PSME4: variants seen among roughly 807,000 people sequenced by gnomAD.
PSME4 encodes proteasome activator subunit 4.
A neutral mutation model predicts 253.9 loss-of-function variants in PSME4; 89 were observed. The ratio of observed to expected loss-of-function variants is 0.35; its 90% CI spans 0.30 to 0.42. PSME4 has a LOEUF of 0.42. Ranked by LOEUF, PSME4 falls within the 10% of genes least tolerant of loss-of-function variation. The probability of loss-of-function intolerance (pLI) is 1.00; values close to 1 mark genes in which losing one functional copy is unlikely to be tolerated. For synonymous variants in PSME4, 851 were observed against 759.2 expected, an observed-to-expected ratio of 1.12 and a Z score of -1.99; for missense variants, 2,014 against 2,195.2, an observed-to-expected ratio of 0.92 and a Z score of 1.65.
At chr2:53,898,237 G>A (rs1396517439) in intron 30 of PSME4, 64 bp downstream of exon 30, 51 of 1,432,484 alleles carry the variant, frequency 3.6e-5, no homozygotes, top group Non-Finnish European at 7.7e-6. Flanking sequence ...AGCCTTCCAT[G>A]TAGAAAACTC....
At chr2:53,884,440 A>C (rs902762341) in intron 41 of PSME4, among the ~76,000 whole-genome samples, 9 of 152,018 alleles carry the variant, frequency 5.9e-5, no homozygotes, top group Non-Finnish European at 1.3e-4. Flanking sequence ...CGATCTCTTG[A>C]CCTTGTGATC....
intron 20 of PSME4, among the ~76,000 whole-genome samples, chr2:53,911,535 G>C (rs1037285020): frequency 4.6e-5 from 7 of 152,074 alleles, no homozygotes; most frequent in Non-Finnish European, 8.8e-5. Flanking sequence ...TCACCAAAGA[G>C]AAAAGGCCTG....
rs1056577962 is a variant in PSME4, at chr2:53,897,167, G to GTTT, written c.3607-285_3607-283dup. 2.7e-3 allele frequency among the ~76,000 whole-genome samples: 332 copies of GTTT among 122,154 alleles called. 6 individuals carry two copies. Among genetic ancestry groups the GTTT allele is most frequent in the Admixed American group, 0.013 (144 of 11,434 alleles). The allele number at this position is 122,154 out of a possible 152,430, so 80.1% of individuals were successfully genotyped here. A position where few individuals can be genotyped will look rare whatever the true frequency, so the allele number is the denominator to read the frequency against. ...TCATTCTTCAAATCTTAGCCTCAGG[G>GTTT]TTTTTTTTTTTTTTTTTTTTGACAG... On this transcript the variant is annotated intron_variant, in intron 31 of 46. Coordinates refer to ENST00000404125, the MANE Select transcript of PSME4 (RefSeq NM_014614.3).
At chr2:53,925,053 T>A (rs894209620) in intron 14 of PSME4, among the ~76,000 whole-genome samples, 1 of 152,222 alleles carries the variant, frequency 6.6e-6, no homozygotes, top group Non-Finnish European at 1.5e-5. Flanking sequence ...CAGTGTTTTT[T>A]CCATTAGGCA....
At chr2:53,867,502 G>GAAAA (rs35076319) in intron 44 of PSME4, among the ~76,000 whole-genome samples, 11 of 100,084 alleles carry the variant, frequency 1.1e-4, no homozygotes, top group Admixed American at 3.3e-4. Context: ...CCGTCTCAAG[G>GAAAA]AAAAAAAAAA....
At chr2:53,869,283 C>T (rs1678752186) in intron 44 of PSME4, 93 bp downstream of exon 44, 2 of 1,265,200 alleles carry the variant, frequency 1.6e-6, no homozygotes, top group Non-Finnish European at 2.2e-6. Context: ...GACCTGGGCA[C>T]ATACATACAA....
intron 8 of PSME4, 30 bp from the exon 9 acceptor site, chr2:53,932,790 T>C: frequency 1.3e-6 from 2 of 1,537,184 alleles, no homozygotes; most frequent in Non-Finnish European, 1.8e-6. Context: ...AAAATGTCAG[T>C]ACCCACATCA....
intron 7 of PSME4, among the ~76,000 whole-genome samples, chr2:53,935,358 C>T (rs1025615404): frequency 3.9e-5 from 6 of 152,128 alleles, no homozygotes; most frequent in African/African-American, 1.4e-4. Flanking sequence ...GAAGACACCA[C>T]AAGCAAAAGC....
At chr2:53,887,835 A>AC (rs765152479) in intron 39 of PSME4, 23 bp downstream of exon 39, 14 of 1,559,630 alleles carry the variant, frequency 9.0e-6, no homozygotes, top group Non-Finnish European at 1.2e-5. Context: ...CGAGAGGTAC[A>AC]CCACAGAGAA....
chr2:53,926,517 T>C (rs1014114356), intron 12 of PSME4, among the ~76,000 whole-genome samples: 1 of 151,912 alleles, frequency 6.6e-6, no homozygotes. Flanking sequence ...CTACTAAAAA[T>C]ACACATATAC....
rs917044567 is a variant in PSME4, at chr2:53,894,935, T to C, written c.3912+72A>G. 7 of 1,296,316 alleles carry C rather than the reference T, an allele frequency of 5.4e-6. No homozygotes were observed. In the African/African-American group the frequency reaches 6.0e-5, roughly 11 times the overall value. 80.3% of individuals were successfully genotyped at this position (1,296,316 alleles called of 1,614,324 possible). ...TAAGAAAAAAAAGAAGAAGAAGAAC[T>C]GAAGTGAGGTTGAGATAAATCAGTG... On this transcript the variant is annotated intron_variant, in intron 34 of 46. Coordinates refer to ENST00000404125, the MANE Select transcript of PSME4 (RefSeq NM_014614.3).
intron 42 of PSME4, among the ~76,000 whole-genome samples, 184 bp from the exon 43 acceptor site, chr2:53,874,678 C>T (rs111476086): frequency 2.4e-4 from 37 of 152,284 alleles, no homozygotes; most frequent in Admixed American, 9.8e-4. Flanking sequence ...CAGTGGCTCA[C>T]GCCTGTAATC....
intron 8 of PSME4, 67 bp from the exon 9 acceptor site, chr2:53,932,827 C>T: frequency 8.2e-7 from 1 of 1,223,616 alleles, no homozygotes; most frequent in South Asian, 1.2e-5. Context: ...GTCAACAGGC[C>T]CAAGCCTATA....
chr2:53,888,044 T>G (rs2104423826), intron 38 of PSME4, 55 bp from the exon 39 acceptor site: 1 of 1,540,132 alleles, frequency 6.5e-7, no homozygotes, highest in East Asian at 2.3e-5. Context: ...CTTTACATAT[T>G]GACAGTATGG....
rs971938172 is a variant in PSME4 at position 53,962,941 on chromosome 2, T to C, written c.242+7602A>G. 6.1e-5 allele frequency among the ~76,000 whole-genome samples: 9 copies of C among 147,648 alleles called. No homozygotes were observed. The South Asian group carries it at 1.9e-3, about 31-fold the overall frequency. On this transcript the variant is annotated intron_variant, in intron 1 of 46. Transcript: ENST00000404125. ...AGGAAAATCACTTGAACCCAGGAAG[T>C]GGAGGCTGCAGTGAGCCGAGATCGC...
intron 1 of PSME4, among the ~76,000 whole-genome samples, chr2:53,950,107 T>C (rs1162045585): frequency 6.6e-6 from 1 of 151,984 alleles, no homozygotes; most frequent in African/African-American, 2.4e-5. Context: ...AAACCCAGTC[T>C]CTACAACAAA....
At chr2:53,923,536 T>G in intron 14 of PSME4, 117 bp from the exon 15 acceptor site, 1 of 1,273,866 alleles carries the variant, frequency 7.9e-7, no homozygotes, top group Non-Finnish European at 1.0e-6. Context: ...CCATAGGCAA[T>G]TTTTAACCAT....
At chr2:53,960,670 C>G (rs925731439) in intron 1 of PSME4, among the ~76,000 whole-genome samples, 3 of 152,166 alleles carry the variant, frequency 2.0e-5, no homozygotes, top group Admixed American at 6.5e-5. Context: ...TCCATAAAAT[C>G]TGGCTTTCTT....
chr2:53,944,653 G>C (rs188445706), intron 3 of PSME4, among the ~76,000 whole-genome samples: 365 of 152,156 alleles, frequency 2.4e-3, no homozygotes, highest in Non-Finnish European at 3.7e-3. Context: ...ATTAAATTTT[G>C]TAATTACATA....
Sources: allele counts gnomAD v4.1 joint callset (sites outside exome capture counted in the v4.1 genomes callset), GRCh38; gene constraint gnomAD v4.1.1; transcripts MANE v1.5; gene names NCBI Gene and HGNC (gene_info 2026-07-23, HGNC 2026-07-21).